Variants in SCAPER observed in about 807,000 individuals in gnomAD.
SCAPER encodes S-phase cyclin A associated protein in the ER, also known as S phase cyclin A-associated protein in the endoplasmic reticulum.
A neutral mutation model predicts 182.2 loss-of-function variants in SCAPER; 98 were observed. That is an observed-to-expected ratio of 0.54 (90% CI 0.46 to 0.64). The LOEUF is 0.64. SCAPER is among the 30% of genes least tolerant of loss of function. The pLI is 0.00. For synonymous variants in SCAPER, 605 were observed against 564.6 expected (o/e 1.07, Z -1.01); for missense variants, 1,432 against 1,690.0 (o/e 0.85, Z 2.68).
intron 21 of SCAPER, among the ~76,000 whole-genome samples, chr15:76,631,563 G>A (rs756532759): frequency 8.5e-5 from 13 of 152,064 alleles, no homozygotes; most frequent in East Asian, 1.9e-4. Flanking sequence ...TAGTTTGGCC[G>A]GATATGAAAT....
chr15:76,581,543 A>G (rs1167567722), intron 22 of SCAPER, among the ~76,000 whole-genome samples: 1 of 152,196 alleles, frequency 6.6e-6, no homozygotes. Flanking sequence ...TATCAACAGA[A>G]TGAAGGACAA....
intron 25 of SCAPER, among the ~76,000 whole-genome samples, chr15:76,454,355 G>A (rs541909417): frequency 6.6e-5 from 10 of 152,090 alleles, no homozygotes; most frequent in Non-Finnish European, 1.3e-4. Flanking sequence ...ATTCCAAGAA[G>A]ACTACAACTG....
intron 23 of SCAPER, among the ~76,000 whole-genome samples, chr15:76,554,224 G>A (rs766402989): frequency 3.9e-5 from 6 of 152,148 alleles, no homozygotes; most frequent in Non-Finnish European, 5.9e-5. Flanking sequence ...CCAAGCTGAG[G>A]AAAGAATCTC....
At chr15:76,885,856 C>T (rs930686793) in intron 1 of SCAPER, among the ~76,000 whole-genome samples, 1 of 152,158 alleles carries the variant, frequency 6.6e-6, no homozygotes, top group African/African-American at 2.4e-5. Flanking sequence ...TACAAAAAGG[C>T]TAAAAGAAGT....
rs1162351371 is a variant in SCAPER at position 76,790,688 on chromosome 15, G to A, written c.772+4592C>T. Among the ~76,000 whole-genome samples, 7 of 151,912 alleles carry A rather than the reference G, an allele frequency of 4.6e-5. No individual in the cohort carries two copies. The East Asian group carries it at 1.2e-3, about 25-fold the overall frequency. Reference sequence around the variant, plus strand: ...TGTCTTCTTTTTCTTGATCAATACTGTATAACAATCACTTCTTGGTCTTTT... The same window carrying A: ...TGTCTTCTTTTTCTTGATCAATACTATATAACAATCACTTCTTGGTCTTTT... On this transcript the variant is annotated intron_variant, in intron 8 of 31. Coordinates refer to ENST00000563290, the MANE Select transcript of SCAPER (RefSeq NM_020843.4).
At chr15:76,667,337 A>G (rs1416063483) in intron 20 of SCAPER, among the ~76,000 whole-genome samples, 1 of 152,032 alleles carries the variant, frequency 6.6e-6, no homozygotes, top group Non-Finnish European at 1.5e-5. Flanking sequence ...CTTCTTTGCT[A>G]GGTCCTTTTC....
At chr15:76,625,913 G>T (rs1305944798) in intron 21 of SCAPER, among the ~76,000 whole-genome samples, 2 of 151,716 alleles carry the variant, frequency 1.3e-5, no homozygotes, top group East Asian at 3.9e-4. Flanking sequence ...CAATCTTTTG[G>T]CTTCCCTGGC....
chr15:76,785,146 A>G (rs2064484463), intron 8 of SCAPER, among the ~76,000 whole-genome samples: 1 of 152,232 alleles, frequency 6.6e-6, no homozygotes, highest in African/African-American at 2.4e-5. Flanking sequence ...CAAAGGGCTA[A>G]TATCTAGAAT....
intron 21 of SCAPER, among the ~76,000 whole-genome samples, chr15:76,658,092 G>C (rs2055824657): frequency 6.6e-6 from 1 of 152,012 alleles, no homozygotes; most frequent in Admixed American, 6.6e-5. Context: ...ATGAATAAAA[G>C]GCATCCAAAT....
intron 17 of SCAPER, among the ~76,000 whole-genome samples, 167 bp from the exon 18 acceptor site, chr15:76,706,151 T>C (rs959514071): frequency 9.9e-5 from 15 of 152,196 alleles, no homozygotes; most frequent in Non-Finnish European, 2.2e-4. Context: ...GCTAATTAAA[T>C]ATTTGGGAAA....
chr15:76,611,114 TCA>T (rs1003236532), intron 22 of SCAPER, among the ~76,000 whole-genome samples: 2 of 152,024 alleles, frequency 1.3e-5, no homozygotes, highest in African/African-American at 4.8e-5. Flanking sequence ...GCCCACACAT[TCA>T]CAGTCAATTG....
chr15:76,665,854 T>C, intron 20 of SCAPER, 65 bp from the exon 21 acceptor site: 1 of 1,316,802 alleles, frequency 7.6e-7, no homozygotes, highest in Non-Finnish European at 1.0e-6. Context: ...ATAGGATTGC[T>C]ATAGACTACA....
intron 1 of SCAPER, among the ~76,000 whole-genome samples, chr15:76,900,949 A>G (rs1468797988): frequency 3.9e-5 from 6 of 152,204 alleles, no homozygotes; most frequent in Non-Finnish European, 7.3e-5. Flanking sequence ...GCCTTTTCCA[A>G]CATTTAAGAA....
chr15:76,494,610 C>A (rs905251893), intron 24 of SCAPER, among the ~76,000 whole-genome samples: 1 of 152,106 alleles, frequency 6.6e-6, no homozygotes, highest in Non-Finnish European at 1.5e-5. Flanking sequence ...GTACAGCTGT[C>A]GTCACCCTGC....
chr15:76,876,789 C>T (rs1373652029), intron 2 of SCAPER, among the ~76,000 whole-genome samples: 1 of 152,182 alleles, frequency 6.6e-6, no homozygotes, highest in Non-Finnish European at 1.5e-5. Flanking sequence ...AGGATGCCTA[C>T]TACTATCACT....
chr15:76,738,655 G>A (rs2061397506), intron 15 of SCAPER, among the ~76,000 whole-genome samples: 1 of 152,062 alleles, frequency 6.6e-6, no homozygotes, highest in African/African-American at 2.4e-5. Context: ...ATAAGAAATG[G>A]GGGAATGGCC....
At chr15:76,779,044 T>A (rs151182201) in intron 8 of SCAPER, among the ~76,000 whole-genome samples, 44 of 152,098 alleles carry the variant, frequency 2.9e-4, no homozygotes, top group African/African-American at 7.9e-4. Flanking sequence ...CAAAACATTA[T>A]AGGATATAGG....
intron 16 of SCAPER, among the ~76,000 whole-genome samples, chr15:76,729,571 T>A (rs2060797054): frequency 2.0e-5 from 3 of 152,050 alleles, no homozygotes; most frequent in Admixed American, 6.6e-5. Flanking sequence ...ACAGTGGGTG[T>A]AAGAGTGGAT....
chr15:76,516,194 T>A (rs921828155), intron 23 of SCAPER, among the ~76,000 whole-genome samples: 4 of 151,456 alleles, frequency 2.6e-5, no homozygotes, highest in African/African-American at 7.3e-5. Flanking sequence ...CTTTTTTTTT[T>A]TATATATATT....
Sources: allele counts gnomAD v4.1 joint callset (sites outside exome capture counted in the v4.1 genomes callset), GRCh38; gene constraint gnomAD v4.1.1; transcripts MANE v1.5; gene names NCBI Gene and HGNC (gene_info 2026-07-23, HGNC 2026-07-21).